FN1: variants seen among roughly 807,000 people sequenced by gnomAD.
FN1 encodes fibronectin 1.
In FN1, 106 loss-of-function variants were observed where a neutral mutation model predicts 297.3. The observed-to-expected ratio is 0.36, with a 90% CI of 0.30 to 0.42. The LOEUF is 0.42. FN1 is among the 10% of genes least tolerant of loss of function. FN1 has a pLI of 1.00. For synonymous variants in FN1, 1,149 were observed against 1,152.6 expected (o/e 1.00, Z 0.06); for missense variants, 2,690 against 3,124.9 (o/e 0.86, Z 3.32).
chr2:215,371,197 G>A (rs957509214), intron 40 of FN1, among the ~76,000 whole-genome samples: 4 of 151,992 alleles, frequency 2.6e-5, no homozygotes, highest in African/African-American at 9.7e-5. Context: ...GAACCTGGGA[G>A]GCAGAGGTTG....
intron 12 of FN1, among the ~76,000 whole-genome samples, chr2:215,415,735 T>G (rs2063343579): frequency 6.6e-6 from 1 of 152,256 alleles, no homozygotes; most frequent in South Asian, 2.1e-4. Context: ...CAACAAAATT[T>G]AAAGTATGGT....
At chr2:215,403,748 TC>T (rs1196651858) in intron 20 of FN1, among the ~76,000 whole-genome samples, 1 of 152,220 alleles carries the variant, frequency 6.6e-6, no homozygotes, top group Non-Finnish European at 1.5e-5. Flanking sequence ...AGTATTTTTC[TC>T]CTCTGAGGAA....
In FN1 at chr2:215,376,665, G is replaced by T; in HGVS notation, c.5720C>A (p.Pro1907Gln). ...ATCTGTCACACGAGCCCTTCTTGGT[G>T]GGCTGACATCTGCACAGGAGCATAG... is the stretch of plus-strand genomic sequence containing the variant. Reference protein sequence around the residue: ...GVVTTLENVSPPRRARVTDAT... With the variant: ...GVVTTLENVSQPRRARVTDAT... Residue 1907 changes from proline to glutamine, a missense_variant, in exon 36 of 46, where the codon CCA becomes CAA. Transcript: ENST00000354785. 2 of 1,613,784 alleles carry T rather than the reference G, an allele frequency of 1.2e-6. No homozygotes were observed. The highest frequency in any genetic ancestry group is 1.7e-6 in the Non-Finnish European group (2 of 1,179,956).
At chr2:215,426,720 C>T (rs923238222) in intron 6 of FN1, among the ~76,000 whole-genome samples, 7 of 152,174 alleles carry the variant, frequency 4.6e-5, no homozygotes, top group African/African-American at 1.7e-4. Flanking sequence ...TTGTTTAACC[C>T]ATTGCTTCTC....
chr2:215,391,269 T>C (rs77149722), intron 26 of FN1, among the ~76,000 whole-genome samples: 2,620 of 152,310 alleles, frequency 0.017, 71 homozygotes, highest in African/African-American at 0.058. Context: ...AAAGCACATA[T>C]GGTGACACTA....
At chr2:215,379,006 A>G in intron 34 of FN1, 124 bp downstream of exon 34, 1 of 936,388 alleles carries the variant, frequency 1.1e-6, no homozygotes, top group Non-Finnish European at 1.7e-6. Flanking sequence ...AAATTACAAT[A>G]AGATTATTTG....
At chr2:215,434,625 C>A (rs752622495) in intron 2 of FN1, 71 bp downstream of exon 2, 523 of 1,557,808 alleles carry the variant, frequency 3.4e-4, no homozygotes, top group Non-Finnish European at 4.4e-4. Flanking sequence ...TTTTTACTTA[C>A]TAATGCAAAG....
chr2:215,420,620 C>T, intron 11 of FN1, 53 bp downstream of exon 11: 1 of 1,610,428 alleles, frequency 6.2e-7, no homozygotes, highest in Non-Finnish European at 8.5e-7. Context: ...TTATCTGAAA[C>T]TTGCTAACCA....
In FN1 at chr2:215,410,233, C is replaced by T. The variant is rs192984484; in HGVS notation, c.1942-119G>A. ...GACTTAAGCAGGACTTAGGCAGCTC[C>T]ATTCTAGAGGAAAATCATGGAAAAC... On this transcript the variant is annotated intron_variant, in intron 13 of 45. Transcript: ENST00000354785. 7.2e-6 allele frequency: 7 copies of T among 979,014 alleles called. No individual in the cohort carries two copies. In the East Asian group the frequency reaches 1.8e-4, roughly 26 times the overall value. 60.6% of individuals were successfully genotyped at this position (979,014 alleles called of 1,614,324 possible). A position where few individuals can be genotyped will look rare whatever the true frequency, so the allele number is the denominator to read the frequency against.
Position 215,433,424 on chromosome 2 carries a change from A to G in FN1, c.315T>C (p.Thr105=). The stretch of plus-strand genomic sequence containing the variant: ...GCTCATAAGTGTCACCCACTCGGTA[A>G]GTGTTCCCAGTGTACTTGTCAAAGC... The part of the protein sequence containing the change: ...ETCFDKYTGN[T]YRVGDTYERP... Residue 105 remains threonine, a synonymous_variant, in exon 3 of 46, where the codon ACT becomes ACC. Transcript: ENST00000354785. 6.2e-7 allele frequency: 1 copy of G among 1,614,120 alleles called. No homozygotes were observed. The highest frequency in any genetic ancestry group is 8.5e-7 in the Non-Finnish European group (1 of 1,179,996).
chr2:215,385,662 T>A lies in FN1; in HGVS notation c.4613-686A>T, dbSNP rs1032331662. Reference sequence around the variant, plus strand: ...TGACGACTTGAGACTAAAATACAGATAACATGATGCTACTGTTCCCGTAAG... The same window carrying A: ...TGACGACTTGAGACTAAAATACAGAAAACATGATGCTACTGTTCCCGTAAG... On this transcript the variant is annotated intron_variant, in intron 28 of 45. Transcript: ENST00000354785. 3.3e-5 allele frequency among the ~76,000 whole-genome samples: 5 copies of A among 152,032 alleles called. No homozygotes were observed. In the South Asian group the frequency reaches 1.0e-3, roughly 32 times the overall value.
At position 215,364,951 on chromosome 2, in the gene FN1, G is replaced by A; in HGVS notation, c.7179C>T (p.Tyr2393=). 2.5e-6 allele frequency: 4 copies of A among 1,581,050 alleles called. No homozygotes were observed. Among genetic ancestry groups the A allele is most frequent in the Non-Finnish European group, 2.6e-6 (3 of 1,162,252 alleles). ...CCTTCTGCCACTGTTCTCCTACGTG[G>A]TATGTCTTCCCATCATCATAACACG... is the stretch of plus-strand genomic sequence containing the variant. The part of the protein sequence containing the change: ...EATCYDDGKT[Y]HVGEQWQKEY... The change falls in exon 44 of 46, where the codon TAC becomes TAT. Residue 2393 remains tyrosine, a synonymous_variant. Coordinates refer to ENST00000354785, the MANE Select transcript of FN1 (RefSeq NM_212482.4).
At position 215,375,311 on chromosome 2, in the gene FN1, C is replaced by A. The variant is rs369278895; in HGVS notation, c.6060G>T (p.Arg2020Ser). The A allele has an allele frequency of 2.5e-6, 4 of 1,614,112 alleles. No homozygotes were observed. Among genetic ancestry groups the A allele is most frequent in the Admixed American group, 1.7e-5 (1 of 60,026 alleles). ...LLVSWQPPRA[R>S]ITGYIIKYEK... ...CATACTTGATGATGTAGCCGGTAATCCTGGCACGTGGCGGCTGCCATGATA... is the reference window on the plus strand; with the variant it reads ...CATACTTGATGATGTAGCCGGTAATACTGGCACGTGGCGGCTGCCATGATA... The change falls in exon 38 of 46, where the codon AGG (arginine) becomes AGT (serine). Residue 2020 changes from arginine (R) to serine (S), a missense_variant. Around this residue, in one of 3 missense-constraint regions of FN1, gnomAD observed 1,743 missense variants for 1,945.2 expected, o/e 0.90. Coordinates refer to ENST00000354785, the MANE Select transcript of FN1 (RefSeq NM_212482.4).
chr2:215,421,480 C>T (rs904890303), intron 10 of FN1, among the ~76,000 whole-genome samples: 1 of 152,118 alleles, frequency 6.6e-6, no homozygotes, highest in Non-Finnish European at 1.5e-5. Context: ...CACTGGACAC[C>T]ACAAAAGGAG....
In FN1 at chr2:215,375,692, T is replaced by C. The variant is rs1048493847; in HGVS notation, c.5914A>G (p.Ile1972Val). Residue 1972 changes from isoleucine to valine, a missense_variant, in exon 37 of 46, where the codon ATC becomes GTC. Ile to Val is a conservative substitution (Grantham distance 29, BLOSUM62 3). Transcript: ENST00000354785. The part of the protein sequence containing the change: ...TGLQPGTDYK[I>V]YLYTLNDNAR... The stretch of plus-strand genomic sequence containing the variant: ...TTGTCATTCAAGGTGTACAGGTAGA[T>C]CTTGTAGTCAGTGCCTGGTTGTAAA... 3 of 1,612,434 alleles carry C rather than the reference T, an allele frequency of 1.9e-6. No homozygotes were observed. Among genetic ancestry groups the C allele is most frequent in the African/African-American group, 1.3e-5 (1 of 74,906 alleles).
chr2:215,371,673 CTTTTTTTTTTTT>C (rs11358448), intron 40 of FN1, among the ~76,000 whole-genome samples: 1 of 109,010 alleles, frequency 9.2e-6, no homozygotes, highest in East Asian at 2.9e-4. Flanking sequence ...AGTGGAGCCA[CTTTTTTTTTTTT>C]TTTTTTTTCA....
chr2:215,404,319 T>G, intron 20 of FN1, 70 bp downstream of exon 20: 4 of 1,429,964 alleles, frequency 2.8e-6, no homozygotes, highest in South Asian at 1.2e-5. Context: ...TTTTGTTTTG[T>G]TTTGTTTTAA....
At chr2:215,407,932 G>C (rs1184388718) in intron 17 of FN1, among the ~76,000 whole-genome samples, 176 bp downstream of exon 17, 1 of 95,424 alleles carries the variant, frequency 1.0e-5, no homozygotes, top group Non-Finnish European at 2.1e-5. Flanking sequence ...ATGTGCCATA[G>C]AAAATAACTC....
intron 3 of FN1, among the ~76,000 whole-genome samples, 194 bp downstream of exon 3, chr2:215,433,130 G>A (rs762622444): frequency 1.3e-5 from 2 of 152,074 alleles, no homozygotes; most frequent in Non-Finnish European, 1.5e-5. Flanking sequence ...ATCAAACACT[G>A]ATTCCATCTG....
Sources: gnomAD v4.1 joint callset for allele counts (sites outside exome capture counted in the v4.1 genomes callset) on GRCh38, gnomAD v4.1.1 for gene constraint, gnomAD v4.1.1 regional missense constraint, MANE v1.5 for transcripts, NCBI Gene and HGNC (gene_info 2026-07-23, HGNC 2026-07-21) for gene names.